The following RIPOR3 variants were observed in gnomAD, a reference collection of about 807,000 sequenced individuals.
The protein encoded by RIPOR3 is family with sequence similarity 65 member C.
In RIPOR3, 95 loss-of-function variants were observed where a neutral mutation model predicts 114.3. The observed-to-expected ratio is 0.83, with a 90% CI of 0.70 to 0.99. The LOEUF is 0.99. Ranked by LOEUF, RIPOR3 falls within the 50% of genes least tolerant of loss-of-function variation. The probability of loss-of-function intolerance (pLI) is 0.00; values close to 1 mark genes in which losing one functional copy is unlikely to be tolerated. For missense variants in RIPOR3, 1,252 were observed against 1,266.9 expected (o/e 0.99, Z 0.18); for synonymous variants, 575 against 543.8 (o/e 1.06, Z -0.80).
Position 50,593,216 on chromosome 20 carries a change from C to T in RIPOR3, c.2213-20G>A. Reference sequence around the variant, plus strand: ...GGCACGCTGGCCAAAGGGGAGAGTACATCAGGAGAAACTGAGACCTCGACC... The same window carrying T: ...GGCACGCTGGCCAAAGGGGAGAGTATATCAGGAGAAACTGAGACCTCGACC... On this transcript the variant is annotated intron_variant, in intron 17 of 21. Transcript: ENST00000327979. 2 of 1,605,792 alleles carry T rather than the reference C, an allele frequency of 1.2e-6. No homozygotes were observed. Among genetic ancestry groups the T allele is most frequent in the Non-Finnish European group, 1.7e-6 (2 of 1,178,112 alleles).
At position 50,691,123 on chromosome 20, in the gene RIPOR3, C is replaced by T. The variant is rs1225351307; in HGVS notation, c.3+3G>A. Reference sequence around the variant, plus strand: ...ACATGGGGAGCAGTCACTTCACACTCACCATCGAGCAGGTCTGGACACTCG... The same window carrying T: ...ACATGGGGAGCAGTCACTTCACACTTACCATCGAGCAGGTCTGGACACTCG... On this transcript the variant is annotated splice_donor_region_variant and intron_variant, in intron 1 of 21. Transcript: ENST00000327979. 6.2e-6 allele frequency: 8 copies of T among 1,289,384 alleles called. No individual in the cohort carries two copies. Among genetic ancestry groups the T allele is most frequent in the Non-Finnish European group, 6.1e-6 (6 of 988,872 alleles). The allele number at this position is 1,289,384 out of a possible 1,614,324, so 79.9% of individuals were successfully genotyped here.
At chr20:50,640,466 C>T (rs1347045592) in intron 1 of RIPOR3, among the ~76,000 whole-genome samples, 5 of 149,376 alleles carry the variant, frequency 3.3e-5, no homozygotes, top group African/African-American at 9.9e-5. Flanking sequence ...AAACAAAAGA[C>T]GCCTGAGCTT....
chr20:50,589,689 G>T lies in RIPOR3; in HGVS notation c.2658C>A (p.Leu886=). ...QQAACLALKH[L]KGIESIDQTA... ...AATGGGGAAACGTCAGGCTCACCTT[G>T]AGGTGTTTGAGCGCTAGGCATGCGG... Residue 886 remains leucine, a synonymous_variant, in exon 20 of 22, where the codon CTC becomes CTA. Transcript: ENST00000327979. The T allele has an allele frequency of 6.2e-7, 1 of 1,613,586 alleles. No individual in the cohort carries two copies. Among genetic ancestry groups the T allele is most frequent in the Non-Finnish European group, 8.5e-7 (1 of 1,179,720 alleles).
Position 50,595,392 on chromosome 20 carries a change from C to T in RIPOR3, c.2027G>A (p.Gly676Asp). Residue 676 changes from glycine to aspartate, a missense_variant, in exon 16 of 22, where the codon GGC becomes GAC. Gly to Asp is a moderately conservative substitution (Grantham distance 94). Transcript: ENST00000327979. ...ACTCTCTTCAATGGATGTTGCCTTGCCGACCTTCTCAAAGTCAAGGACAGA... is the reference window on the plus strand; with the variant it reads ...ACTCTCTTCAATGGATGTTGCCTTGTCGACCTTCTCAAAGTCAAGGACAGA... ...TLSVLDFEKVGKATSIEEIIP... is the reference protein window; with the variant it reads ...TLSVLDFEKVDKATSIEEIIP... The T allele has an allele frequency of 6.2e-7, 1 of 1,614,078 alleles. No individual in the cohort carries two copies. The highest frequency in any genetic ancestry group is 8.5e-7 in the Non-Finnish European group (1 of 1,179,980).
chr20:50,648,592 A>G (rs1353608548), intron 1 of RIPOR3, among the ~76,000 whole-genome samples: 1 of 152,014 alleles, frequency 6.6e-6, no homozygotes, highest in East Asian at 1.9e-4. Flanking sequence ...CTACTACTAC[A>G]TTGTAATATA....
At chr20:50,595,121 G>A in intron 16 of RIPOR3, 3 of 552,980 alleles carry the variant, frequency 5.4e-6, no homozygotes, top group South Asian at 4.6e-5. Context: ...TAGGGAAGCA[G>A]AGGCTCAGAG....
intron 3 of RIPOR3, among the ~76,000 whole-genome samples, chr20:50,619,714 T>G (rs2084325827): frequency 6.6e-6 from 1 of 152,068 alleles, no homozygotes; most frequent in Non-Finnish European, 1.5e-5. Context: ...TTGCATTGCT[T>G]CTTGATTGAT....
intron 1 of RIPOR3, among the ~76,000 whole-genome samples, chr20:50,633,093 G>A (rs750340520): frequency 1.3e-5 from 2 of 152,054 alleles, no homozygotes; most frequent in African/African-American, 4.8e-5. Context: ...GTGAAGCCCC[G>A]TCTACTAAAA....
Position 50,620,043 on chromosome 20 carries a change from G to T in RIPOR3, c.212C>A (p.Ala71Glu). The T allele has an allele frequency of 6.2e-7, 1 of 1,614,138 alleles. No individual in the cohort carries two copies. Among genetic ancestry groups the T allele is most frequent in the Non-Finnish European group, 8.5e-7 (1 of 1,179,996 alleles). ...CTTCACCTGCTGGGGCTTCGGGTCT[G>T]CACAGACCGACCCCTTCCGCAGCGT... ...YGTLRKGSVC[A>E]DPKPQQVKKI... is the part of the protein sequence containing the mutation. Residue 71 changes from alanine to glutamate, a missense_variant, in exon 3 of 22, where the codon GCA becomes GAA. Transcript: ENST00000327979.
chr20:50,669,746 G>A (rs1199181725), intron 1 of RIPOR3, among the ~76,000 whole-genome samples: 5 of 151,990 alleles, frequency 3.3e-5, no homozygotes, highest in Admixed American at 2.0e-4. Flanking sequence ...GGCTCAATGT[G>A]TTCTTGCTCA....
chr20:50,608,954 G>A lies in RIPOR3; in HGVS notation c.642C>T (p.Gly214=). 6.3e-7 allele frequency: 1 copy of A among 1,580,562 alleles called. No individual in the cohort carries two copies. The highest frequency in any genetic ancestry group is 8.6e-7 in the Non-Finnish European group (1 of 1,163,782). ...HLGEFHIRMK[G]LVGYARLCPG... ...GACAGAGGCGTGCGTAGCCCACCAA[G>A]CCTGGAACACAGACATGGCCGGTCT... The change falls in exon 9 of 22, where the codon GGC becomes GGT. Residue 214 remains glycine, a splice_region_variant and synonymous_variant. Transcript: ENST00000327979.
Position 50,592,949 on chromosome 20 carries a change from G to A in RIPOR3, c.2374+86C>T, listed in dbSNP as rs1429260907. The A allele has an allele frequency of 2.0e-6, 3 of 1,502,634 alleles. No individual in the cohort carries two copies. In the South Asian group the frequency reaches 3.7e-5, roughly 18 times the overall value. The allele number at this position is 1,502,634 out of a possible 1,614,324, so 93.1% of individuals were successfully genotyped here. The stretch of plus-strand genomic sequence containing the variant: ...AACAGTTGGCGGGGATGGATGTAGT[G>A]GTTCTGAATTATAACCTGAGAAACT... On this transcript the variant is annotated intron_variant, in intron 18 of 21. Coordinates refer to ENST00000327979, the MANE Select transcript of RIPOR3 (RefSeq NM_001290268.2).
intron 1 of RIPOR3, among the ~76,000 whole-genome samples, chr20:50,672,413 C>T (rs1173211086): frequency 6.6e-6 from 1 of 152,172 alleles, no homozygotes; most frequent in Non-Finnish European, 1.5e-5. Context: ...CTGCCCTCCA[C>T]CCAGCAACCC....
At chr20:50,658,910 C>G (rs186940175) in intron 1 of RIPOR3, among the ~76,000 whole-genome samples, 2 of 152,186 alleles carry the variant, frequency 1.3e-5, no homozygotes, top group Admixed American at 1.3e-4. Context: ...TCTGGTGGAC[C>G]TGGGAGGTAA....
chr20:50,597,473 A>G (rs2122929981), intron 14 of RIPOR3, 107 bp downstream of exon 14: 2 of 1,460,858 alleles, frequency 1.4e-6, no homozygotes, highest in Non-Finnish European at 1.8e-6. Context: ...GAGCTGAGCC[A>G]AGGACAGTGG....
intron 13 of RIPOR3, among the ~76,000 whole-genome samples, chr20:50,601,428 G>A (rs549865463): frequency 5.9e-5 from 9 of 152,290 alleles, no homozygotes; most frequent in East Asian, 3.9e-4. Context: ...GCAACAGAGC[G>A]AGACTTCATC....
intron 2 of RIPOR3, among the ~76,000 whole-genome samples, chr20:50,622,515 T>A (rs1280143177): frequency 1.3e-5 from 2 of 152,034 alleles, no homozygotes; most frequent in Admixed American, 6.6e-5. Context: ...TACTGGCCCT[T>A]CTCTTCCAAC....
chr20:50,643,300 G>GTTTT (rs35657879), intron 1 of RIPOR3, among the ~76,000 whole-genome samples: 4 of 129,346 alleles, frequency 3.1e-5, no homozygotes, highest in African/African-American at 9.1e-5. Context: ...TTTTGTGTGT[G>GTTTT]TTTTTTTTTT....
intron 4 of RIPOR3, 83 bp from the exon 5 acceptor site, chr20:50,611,287 C>G: frequency 1.9e-6 from 3 of 1,579,876 alleles, no homozygotes; most frequent in Non-Finnish European, 2.6e-6. Context: ...ATGCTGGCGG[C>G]GCCTGAGCTC....
Sources: gnomAD v4.1 joint callset for allele counts (sites outside exome capture counted in the v4.1 genomes callset) on GRCh38, gnomAD v4.1.1 for gene constraint, MANE v1.5 for transcripts, NCBI Gene and HGNC (gene_info 2026-07-23, HGNC 2026-07-21) for gene names.